The following ADAM2 variants were observed in gnomAD, a reference collection of about 807,000 sequenced individuals.
ADAM2 encodes disintegrin and metalloproteinase domain-containing protein 2.
A neutral mutation model predicts 99.3 loss-of-function variants in ADAM2; 101 were observed. The ratio of observed to expected loss-of-function variants is 1.02; its 90% CI spans 0.87 to 1.20. The LOEUF is 1.20. ADAM2 is among the 50% of genes most tolerant of loss of function. The pLI, the probability that ADAM2 is intolerant of heterozygous loss-of-function variation, is 0.00. For missense variants in ADAM2, 948 were observed against 878.7 expected (o/e 1.08, Z -1.00); for synonymous variants, 323 against 287.6 (o/e 1.12, Z -1.25).
chr8:39,763,452 A>G (rs1802451094), intron 14 of ADAM2, among the ~76,000 whole-genome samples: 1 of 152,234 alleles, frequency 6.6e-6, no homozygotes, highest in African/African-American at 2.4e-5. Flanking sequence ...GTGTCCTTGG[A>G]GTGACCTATG....
intron 14 of ADAM2, among the ~76,000 whole-genome samples, chr8:39,766,194 A>C (rs571631172): frequency 6.6e-5 from 10 of 152,160 alleles, no homozygotes; most frequent in Non-Finnish European, 1.2e-4. Flanking sequence ...ATGACAACTT[A>C]TAATTACTTT....
chr8:39,834,001 TG>T lies in ADAM2; in HGVS notation c.133-3del. 6.4e-7 allele frequency: 1 copy of T among 1,561,296 alleles called. No homozygotes were observed. The highest frequency in any genetic ancestry group is 8.8e-7 in the Non-Finnish European group (1 of 1,136,144). On this transcript the variant is annotated splice_region_variant and splice_polypyrimidine_tract_variant and intron_variant, in intron 2 of 20. Transcript: ENST00000265708. Reference sequence around the variant, plus strand: ...TTCAATTACAATTTTGTAGGATGCCTGGCAGGAGAGCACAGTAAAAATACAA... The same window carrying T: ...TTCAATTACAATTTTGTAGGATGCCTGCAGGAGAGCACAGTAAAAATACAA...
At chr8:39,793,003 G>C (rs1439647644) in intron 7 of ADAM2, among the ~76,000 whole-genome samples, 1 of 152,000 alleles carries the variant, frequency 6.6e-6, no homozygotes, top group Non-Finnish European at 1.5e-5. Context: ...CTCTTTATAA[G>C]AAAAAGTTGC....
intron 7 of ADAM2, among the ~76,000 whole-genome samples, chr8:39,804,496 A>G (rs1200802361): frequency 2.0e-5 from 3 of 152,268 alleles, no homozygotes; most frequent in Middle Eastern, 3.4e-3. Context: ...GGGAGTATTC[A>G]AAGATTGAGA....
In ADAM2 at chr8:39,788,678, C is replaced by T. The variant is rs1803576029; in HGVS notation, c.633G>A (p.Leu211=). Residue 211 remains leucine, a synonymous_variant, in exon 8 of 21, where the codon TTG becomes TTA. Coordinates refer to ENST00000265708, the MANE Select transcript of ADAM2 (RefSeq NM_001464.5). ...AGAAGCAAAGACTTACAGCATTCGT[C>T]AATCCAATCAACTGGAAAACTTTTT... ...VAQKVFQLIG[L]TNAIFVSFNI... is the part of the protein sequence containing the mutation. 6.3e-7 allele frequency: 1 copy of T among 1,578,972 alleles called. No individual in the cohort carries two copies. Among genetic ancestry groups the T allele is most frequent in the East Asian group, 2.3e-5 (1 of 42,968 alleles).
rs547555052 is a variant in ADAM2 at position 39,752,410 on chromosome 8, A to G, written c.1798-2666T>C. The stretch of plus-strand genomic sequence containing the variant: ...AACACATTGTCACAGTCAAAATGGT[A>G]GAAAATTTTATGGCATTTTTGTCTG... On this transcript the variant is annotated intron_variant, in intron 16 of 20. Transcript: ENST00000265708. Among the ~76,000 whole-genome samples, 553 of 152,336 alleles carry G rather than the reference A, an allele frequency of 3.6e-3. 1 individual carries two copies. The highest frequency in any genetic ancestry group is 4.6e-3 in the Non-Finnish European group (312 of 68,028).
At chr8:39,826,932 C>G (rs1805432638) in intron 3 of ADAM2, among the ~76,000 whole-genome samples, 1 of 151,556 alleles carries the variant, frequency 6.6e-6, no homozygotes, top group African/African-American at 2.4e-5. Flanking sequence ...AGCTTCTGTA[C>G]AGCAAAGGAA....
chr8:39,829,635 A>C (rs1407935570), intron 3 of ADAM2, among the ~76,000 whole-genome samples: 1 of 151,990 alleles, frequency 6.6e-6, no homozygotes, highest in African/African-American at 2.4e-5. Flanking sequence ...CATGTAACTT[A>C]ACCCATCAGT....
rs374547596 is a variant in ADAM2 at position 39,821,634 on chromosome 8, T to G, written c.296A>C (p.Glu99Ala). The change falls in exon 5 of 21, where the codon GAA becomes GCA. Residue 99 changes from glutamate to alanine, a missense_variant. Transcript: ENST00000265708. ...CATCACCACAGATTTTGGATAACCT[T>G]CAATATACCCTTGGTAGTGGCAGAA... The part of the protein sequence containing the change: ...QNFCHYQGYI[E>A]GYPKSVVMVS... 5.6e-6 allele frequency: 9 copies of G among 1,607,990 alleles called. No individual in the cohort carries two copies. The highest frequency in any genetic ancestry group is 7.7e-6 in the Non-Finnish European group (9 of 1,175,116).
intron 11 of ADAM2, among the ~76,000 whole-genome samples, chr8:39,774,205 T>G (rs528370642): frequency 1.3e-5 from 2 of 152,086 alleles, no homozygotes; most frequent in Admixed American, 1.3e-4. Context: ...AAACCTTCAG[T>G]TAATGTATTT....
At chr8:39,834,310 T>TA (rs1200777922) in intron 2 of ADAM2, among the ~76,000 whole-genome samples, 6 of 152,166 alleles carry the variant, frequency 3.9e-5, no homozygotes, top group African/African-American at 1.4e-4. Context: ...TCTGGGGTTT[T>TA]CTATATATGG....
intron 18 of ADAM2, among the ~76,000 whole-genome samples, chr8:39,748,172 G>A (rs1202125495): frequency 6.6e-6 from 1 of 152,246 alleles, no homozygotes; most frequent in East Asian, 1.9e-4. Flanking sequence ...GAGAGAATGA[G>A]ATTTCAGGGA....
intron 14 of ADAM2, among the ~76,000 whole-genome samples, chr8:39,764,231 C>T (rs984567974): frequency 2.6e-5 from 4 of 152,094 alleles, no homozygotes; most frequent in Admixed American, 6.6e-5. Context: ...CACAGCAAGA[C>T]CTCACCTCTA....
chr8:39,748,450 A>T (rs1477583796), intron 18 of ADAM2, among the ~76,000 whole-genome samples: 1 of 152,202 alleles, frequency 6.6e-6, no homozygotes, highest in East Asian at 1.9e-4. Flanking sequence ...TAAACTTACT[A>T]ATCTATTACT....
rs1465653063 is a variant in ADAM2, at chr8:39,743,908, A to G, written c.*187T>C. On this transcript the variant is annotated 3_prime_UTR_variant, in exon 21 of 21. Transcript: ENST00000265708. ...AAAACTCATTATCATGCATTTTTAA[A>G]TAAGTAAATTATCTGTGAAATTATA... 2 of 152,212 alleles carry G rather than the reference A, an allele frequency of 1.3e-5. No individual in the cohort carries two copies. The highest frequency in any genetic ancestry group is 4.8e-5 in the African/African-American group (2 of 41,468). 9.4% of individuals were successfully genotyped at this position (152,212 alleles called of 1,614,324 possible).
intron 11 of ADAM2, among the ~76,000 whole-genome samples, chr8:39,776,186 T>C (rs1013189797): frequency 3.3e-5 from 5 of 152,122 alleles, no homozygotes; most frequent in Non-Finnish European, 5.9e-5. Context: ...GATCATGTAT[T>C]GATGTAGGCC....
intron 10 of ADAM2, among the ~76,000 whole-genome samples, chr8:39,781,460 A>T (rs1261541335): frequency 6.6e-6 from 1 of 152,176 alleles, no homozygotes; most frequent in Non-Finnish European, 1.5e-5. Context: ...CTTGCACTTT[A>T]GCTTCATAAA....
At chr8:39,811,862 T>C (rs558918601) in intron 6 of ADAM2, among the ~76,000 whole-genome samples, 1 of 152,290 alleles carries the variant, frequency 6.6e-6, no homozygotes, top group East Asian at 1.9e-4. Context: ...CTTTGAAAAC[T>C]GGCACAAGAC....
chr8:39,754,427 G>C (rs191196767), intron 16 of ADAM2, among the ~76,000 whole-genome samples: 18 of 152,228 alleles, frequency 1.2e-4, no homozygotes, highest in Non-Finnish European at 1.9e-4. Context: ...CACTCTTGGT[G>C]GTTCCCATTT....
Sources: allele counts gnomAD v4.1 joint callset (sites outside exome capture counted in the v4.1 genomes callset), GRCh38; gene constraint gnomAD v4.1.1; transcripts MANE v1.5; gene names NCBI Gene and HGNC (gene_info 2026-07-23, HGNC 2026-07-21).